SNX29: variants seen among roughly 807,000 people sequenced by gnomAD.
The protein encoded by SNX29 is sorting nexin-29.
SNX29 carries 78 observed loss-of-function variants against 102.1 expected under a neutral mutation model. That is an observed-to-expected ratio of 0.76 (90% CI 0.64 to 0.92). The LOEUF is 0.92. Ranked by LOEUF, SNX29 falls within the 40% of genes least tolerant of loss-of-function variation. The probability of loss-of-function intolerance (pLI) is 0.00; values close to 1 mark genes in which losing one functional copy is unlikely to be tolerated. For missense variants in SNX29, 1,280 were observed against 1,061.7 expected (o/e 1.21, Z -2.86); for synonymous variants, 580 against 414.5 (o/e 1.40, Z -4.85).
At chr16:12,528,270 G>A (rs1440902000) in intron 20 of SNX29, among the ~76,000 whole-genome samples, 1 of 152,050 alleles carries the variant, frequency 6.6e-6, no homozygotes, top group Non-Finnish European at 1.5e-5. Flanking sequence ...CACAATCTTG[G>A]CTCACTGCAA....
chr16:12,318,377 C>T (rs1451144624), intron 15 of SNX29, among the ~76,000 whole-genome samples: 1 of 152,176 alleles, frequency 6.6e-6, no homozygotes, highest in Admixed American at 6.5e-5. Context: ...GCATCGTTTG[C>T]CGGATGGGAA....
intron 1 of SNX29, among the ~76,000 whole-genome samples, chr16:11,990,221 C>T (rs1306795297): frequency 6.6e-6 from 1 of 152,168 alleles, no homozygotes; most frequent in Non-Finnish European, 1.5e-5. Flanking sequence ...ACATTGTTCT[C>T]ACAAGAGTAT....
At chr16:12,206,165 C>T (rs1168451359) in intron 14 of SNX29, among the ~76,000 whole-genome samples, 1 of 152,192 alleles carries the variant, frequency 6.6e-6, no homozygotes, top group Non-Finnish European at 1.5e-5. Context: ...CTGGTTGTGT[C>T]ATTCAGAGCT....
chr16:12,245,538 C>T (rs1052990105), intron 14 of SNX29, among the ~76,000 whole-genome samples: 4 of 151,548 alleles, frequency 2.6e-5, no homozygotes, highest in African/African-American at 9.7e-5. Context: ...ATTTATGGGG[C>T]AGAAGTCTGT....
rs1042444924 is a variant in SNX29 at position 12,170,928 on chromosome 16, G to A, written c.1596-28673G>A. Among the ~76,000 whole-genome samples the A allele has an allele frequency of 2.5e-4, 38 of 152,010 alleles. 1 individual carries two copies. The highest frequency in any genetic ancestry group is 3.2e-3 in the Middle Eastern group (1 of 316). On this transcript the variant is annotated intron_variant, in intron 13 of 20. Coordinates refer to ENST00000566228, the MANE Select transcript of SNX29 (RefSeq NM_032167.5). ...GGCCCTGATGGCTGGAGAGAGAGCC[G>A]TAGGATTTACTGACGACCTGGAGCC...
At chr16:12,314,865 C>T (rs1250092109) in intron 15 of SNX29, among the ~76,000 whole-genome samples, 8 of 152,204 alleles carry the variant, frequency 5.3e-5, no homozygotes, top group Non-Finnish European at 7.3e-5. Context: ...TAAAACATGA[C>T]ACACACGATG....
chr16:12,563,140 C>T (rs141366289), intron 20 of SNX29, among the ~76,000 whole-genome samples: 3 of 152,202 alleles, frequency 2.0e-5, no homozygotes, highest in Non-Finnish European at 2.9e-5. Flanking sequence ...CACACGTCCT[C>T]ATCCCAGCTC....
At chr16:12,459,614 G>C (rs1340678163) in intron 18 of SNX29, among the ~76,000 whole-genome samples, 1 of 152,184 alleles carries the variant, frequency 6.6e-6, no homozygotes, top group South Asian at 2.1e-4. Flanking sequence ...CGTGGGGCTG[G>C]GTGGAGGGAG....
chr16:12,105,049 T>C (rs897384535), intron 11 of SNX29, among the ~76,000 whole-genome samples: 1 of 152,230 alleles, frequency 6.6e-6, no homozygotes, highest in Non-Finnish European at 1.5e-5. Flanking sequence ...AGGAAGGAGA[T>C]TGAGGCTTAC....
chr16:11,987,786 G>A (rs1253168115), intron 1 of SNX29, among the ~76,000 whole-genome samples: 1 of 152,204 alleles, frequency 6.6e-6, no homozygotes, highest in Non-Finnish European at 1.5e-5. Context: ...GAACATAGAG[G>A]ACCAGGTGAA....
intron 14 of SNX29, among the ~76,000 whole-genome samples, chr16:12,211,666 G>A (rs1056727940): frequency 2.0e-5 from 3 of 152,130 alleles, no homozygotes; most frequent in Non-Finnish European, 4.4e-5. Context: ...TGCAGGGTGG[G>A]CCTCTAGGCT....
intron 15 of SNX29, among the ~76,000 whole-genome samples, chr16:12,348,636 C>T (rs2081898918): frequency 6.6e-6 from 1 of 152,202 alleles, no homozygotes; most frequent in Non-Finnish European, 1.5e-5. Context: ...GTCCTCTGCT[C>T]TTCACTGGTA....
intron 15 of SNX29, among the ~76,000 whole-genome samples, chr16:12,313,123 C>T (rs1294919793): frequency 1.3e-5 from 2 of 152,036 alleles, no homozygotes; most frequent in Admixed American, 6.5e-5. Context: ...AAGTGATTCT[C>T]CTGCCTCAGC....
chr16:12,120,952 A>C (rs763661908), intron 11 of SNX29, among the ~76,000 whole-genome samples: 3 of 152,198 alleles, frequency 2.0e-5, no homozygotes, highest in Non-Finnish European at 2.9e-5. Context: ...TTCTGTGCCG[A>C]GGCCTTGAAC....
intron 11 of SNX29, among the ~76,000 whole-genome samples, chr16:12,080,057 G>A (rs950127945): frequency 2.0e-5 from 3 of 151,944 alleles, no homozygotes; most frequent in African/African-American, 4.8e-5. Context: ...TCCTGAATAG[G>A]AGCCCATGGT....
At chr16:12,068,885 T>C (rs936505936) in intron 9 of SNX29, among the ~76,000 whole-genome samples, 172 bp from the exon 10 acceptor site, 5 of 152,204 alleles carry the variant, frequency 3.3e-5, no homozygotes, top group African/African-American at 1.2e-4. Context: ...TCTGAGATTA[T>C]CTCTGAACAA....
At chr16:12,534,739 C>G (rs528173566) in intron 20 of SNX29, among the ~76,000 whole-genome samples, 1 of 152,230 alleles carries the variant, frequency 6.6e-6, no homozygotes, top group Admixed American at 6.5e-5. Context: ...CCTTGCCCTA[C>G]TAAACCCAAG....
At chr16:12,057,635 G>A (rs1273506595) in intron 8 of SNX29, among the ~76,000 whole-genome samples, 2 of 152,070 alleles carry the variant, frequency 1.3e-5, no homozygotes, top group African/African-American at 2.4e-5. Flanking sequence ...GCAGAACACT[G>A]GAGTTGACCT....
chr16:12,113,799 C>T (rs952600114), intron 11 of SNX29, among the ~76,000 whole-genome samples: 7 of 152,208 alleles, frequency 4.6e-5, no homozygotes, highest in South Asian at 2.1e-4. Context: ...GGCGAGCGGC[C>T]AGCGGACAGG....
Sources: gnomAD v4.1 joint callset for allele counts (sites outside exome capture counted in the v4.1 genomes callset) on GRCh38, gnomAD v4.1.1 for gene constraint, MANE v1.5 for transcripts, NCBI Gene and HGNC (gene_info 2026-07-23, HGNC 2026-07-21) for gene names.